Variants in HSD17B2 observed in about 807,000 individuals in gnomAD.
The protein encoded by HSD17B2 is 17-beta-hydroxysteroid dehydrogenase type 2.
A neutral mutation model predicts 26.9 loss-of-function variants in HSD17B2; 32 were observed. The observed-to-expected ratio is 1.19, with a 90% CI of 0.90 to 1.60. The LOEUF is 1.60. Among genes scored for constraint, HSD17B2 ranks in the 40% most tolerant of loss-of-function variants. The probability of loss-of-function intolerance (pLI) is 0.00; values close to 1 mark genes in which losing one functional copy is unlikely to be tolerated. For synonymous variants in HSD17B2, 246 were observed against 186.7 expected, an observed-to-expected ratio of 1.32 and a Z score of -2.59; for missense variants, 613 against 468.6, an observed-to-expected ratio of 1.31 and a Z score of -2.85.
chr16:82,088,447 G>C (rs745541386), intron 3 of HSD17B2, among the ~76,000 whole-genome samples: 2 of 152,190 alleles, frequency 1.3e-5, no homozygotes, highest in Non-Finnish European at 2.9e-5. Flanking sequence ...AATATAAAGT[G>C]ACTATCCTGC....
Position 82,098,112 on chromosome 16 carries a change from G to A in HSD17B2, c.840G>A (p.Glu280=). ...CCAGTGACAAGTGGGAAAAGCTGGA[G>A]AAGGACATTCTGGACCACCTCCCCG... ...AGTSDKWEKL[E]KDILDHLPAE... is the part of the protein sequence containing the mutation. Residue 280 remains glutamate, a synonymous_variant, in exon 5 of 5, where the codon GAG becomes GAA. Transcript: ENST00000199936. 3 of 1,613,866 alleles carry A rather than the reference G, an allele frequency of 1.9e-6. No homozygotes were observed. The highest frequency in any genetic ancestry group is 2.5e-6 in the Non-Finnish European group (3 of 1,179,886).
At chr16:82,053,543 C>T (rs1014850130) in intron 1 of HSD17B2, among the ~76,000 whole-genome samples, 9 of 152,082 alleles carry the variant, frequency 5.9e-5, no homozygotes, top group Admixed American at 1.3e-4. Context: ...AAGTTCATAG[C>T]GCTAGCCATG....
chr16:82,080,170 T>G (rs1409985173), intron 3 of HSD17B2, among the ~76,000 whole-genome samples: 1 of 152,176 alleles, frequency 6.6e-6, no homozygotes, highest in Non-Finnish European at 1.5e-5. Flanking sequence ...CTGAAGAAAC[T>G]ATCTCAGGCT....
intron 2 of HSD17B2, 155 bp from the exon 3 acceptor site, chr16:82,070,787 T>G: frequency 1.6e-6 from 1 of 635,998 alleles, no homozygotes; most frequent in South Asian, 2.1e-5. Flanking sequence ...CCACTCCCTT[T>G]CCCTAAGGCT....
intron 1 of HSD17B2, among the ~76,000 whole-genome samples, chr16:82,055,527 C>T (rs1304500449): frequency 2.0e-5 from 3 of 152,128 alleles, no homozygotes; most frequent in Non-Finnish European, 4.4e-5. Context: ...TAGGCAGGAA[C>T]ACACAGGATG....
intron 1 of HSD17B2, among the ~76,000 whole-genome samples, chr16:82,043,684 CAAAAAAAAAAAAAAAAA>C (rs398030034): frequency 8.9e-5 from 2 of 22,542 alleles, no homozygotes; most frequent in Non-Finnish European, 1.3e-4. Flanking sequence ...AACTCTGTCT[CAAAAAAAAAAAAAAAAA>C]AAAAAAAAAA....
intron 1 of HSD17B2, among the ~76,000 whole-genome samples, chr16:82,039,226 C>G (rs1172339367): frequency 6.7e-6 from 1 of 150,142 alleles, no homozygotes; most frequent in African/African-American, 2.5e-5. Flanking sequence ...ACTCTGTTTT[C>G]TCCTCTGTAA....
In HSD17B2 at chr16:82,089,570, C is replaced by T. The variant is rs1001368978; in HGVS notation, c.665-1332C>T. Among the ~76,000 whole-genome samples, 6 of 152,302 alleles carry T rather than the reference C, an allele frequency of 3.9e-5. No homozygotes were observed. In the South Asian group the frequency reaches 8.3e-4, roughly 21 times the overall value. On this transcript the variant is annotated intron_variant, in intron 3 of 4. Coordinates refer to ENST00000199936, the MANE Select transcript of HSD17B2 (RefSeq NM_002153.3). ...GGCTGCTGTCACAAATCACCACAAA[C>T]GGAGTGGCTTAAAACATCAGAAATT...
At chr16:82,057,497 T>C (rs1456421225) in intron 1 of HSD17B2, among the ~76,000 whole-genome samples, 1 of 152,138 alleles carries the variant, frequency 6.6e-6, no homozygotes, top group East Asian at 1.9e-4. Flanking sequence ...GCGCCCAGCC[T>C]AACTCCCCAG....
intron 1 of HSD17B2, among the ~76,000 whole-genome samples, chr16:82,043,821 A>G (rs544324906): frequency 6.6e-6 from 1 of 152,142 alleles, no homozygotes; most frequent in Admixed American, 6.5e-5. Context: ...TCCCAGTGAC[A>G]GGGAGTTGAC....
At chr16:82,073,296 C>T (rs952960896) in intron 3 of HSD17B2, among the ~76,000 whole-genome samples, 2 of 151,848 alleles carry the variant, frequency 1.3e-5, no homozygotes, top group African/African-American at 4.8e-5. Context: ...GCGATCTCGG[C>T]TCACTGCAAG....
At chr16:82,047,992 G>A (rs1279352554) in intron 1 of HSD17B2, among the ~76,000 whole-genome samples, 1 of 152,142 alleles carries the variant, frequency 6.6e-6, no homozygotes, top group South Asian at 2.1e-4. Flanking sequence ...CTGACTTTGC[G>A]AAAAATATTA....
chr16:82,050,318 T>C (rs1200497229), intron 1 of HSD17B2, among the ~76,000 whole-genome samples: 3 of 151,820 alleles, frequency 2.0e-5, no homozygotes, highest in Non-Finnish European at 4.4e-5. Flanking sequence ...TTCTCATTTC[T>C]CTGCCCATCT....
intron 1 of HSD17B2, among the ~76,000 whole-genome samples, chr16:82,053,689 T>C (rs1440762801): frequency 6.6e-6 from 1 of 152,114 alleles, no homozygotes; most frequent in African/African-American, 2.4e-5. Context: ...AATTCATTGG[T>C]TGTGGCTGAC....
chr16:82,069,144 T>A (rs1914640194), intron 2 of HSD17B2, among the ~76,000 whole-genome samples: 1 of 152,154 alleles, frequency 6.6e-6, no homozygotes, highest in African/African-American at 2.4e-5. Context: ...AGCCCCCACT[T>A]ATAAGTGAGA....
chr16:82,098,145 A>G lies in HSD17B2; in HGVS notation c.873A>G (p.Val291=), dbSNP rs760018286. ...TTCTGGACCACCTCCCCGCTGAGGT[A>G]CAGGAAGACTACGGCCAGGACTACA... ...KDILDHLPAE[V]QEDYGQDYIL... The change falls in exon 5 of 5, where the codon GTA becomes GTG. Residue 291 remains valine, a synonymous_variant. Coordinates refer to ENST00000199936, the MANE Select transcript of HSD17B2 (RefSeq NM_002153.3). 6 of 1,613,966 alleles carry G rather than the reference A, an allele frequency of 3.7e-6. No homozygotes were observed. In the South Asian group the frequency reaches 6.6e-5, roughly 18 times the overall value.
intron 3 of HSD17B2, among the ~76,000 whole-genome samples, chr16:82,076,406 A>G (rs1222317502): frequency 6.6e-6 from 1 of 152,236 alleles, no homozygotes; most frequent in East Asian, 1.9e-4. Flanking sequence ...GACAAAAGAA[A>G]GAAATAAAGA....
intron 1 of HSD17B2, among the ~76,000 whole-genome samples, chr16:82,043,120 C>G (rs555945640): frequency 4.2e-4 from 64 of 152,310 alleles, no homozygotes; most frequent in Non-Finnish European, 8.1e-4. Context: ...CTTATTCAGG[C>G]TATCACAGAC....
At chr16:82,067,067 G>A (rs1376271329) in intron 1 of HSD17B2, among the ~76,000 whole-genome samples, 1 of 152,168 alleles carries the variant, frequency 6.6e-6, no homozygotes, top group Non-Finnish European at 1.5e-5. Flanking sequence ...GTGAACACCT[G>A]CCCTCTCTTT....
Sources: allele counts gnomAD v4.1 joint callset (sites outside exome capture counted in the v4.1 genomes callset), GRCh38; gene constraint gnomAD v4.1.1; transcripts MANE v1.5; gene names NCBI Gene and HGNC (gene_info 2026-07-23, HGNC 2026-07-21).